The following SOX6 variants were observed in gnomAD, a reference collection of about 807,000 sequenced individuals.
The protein encoded by SOX6 is SRY-box transcription factor 6.
A neutral mutation model predicts 97.8 loss-of-function variants in SOX6; 11 were observed. The observed-to-expected ratio is 0.11, with a 90% CI of 0.07 to 0.19. The LOEUF (loss-of-function observed/expected upper bound fraction) is 0.19. SOX6 is among the 10% of genes least tolerant of loss of function. SOX6 has a pLI of 1.00. For synonymous variants in SOX6, 360 were observed against 371.4 expected (o/e 0.97, Z 0.35); for missense variants, 810 against 1,039.5 (o/e 0.78, Z 3.04).
At chr11:16,623,161 C>CA (rs765400378) in intron 3 of SOX6, among the ~76,000 whole-genome samples, 15 of 152,158 alleles carry the variant, frequency 9.9e-5, no homozygotes, top group Non-Finnish European at 2.1e-4. Context: ...GCTGGGATTA[C>CA]AGGGGCGCGC....
intron 4 of SOX6, among the ~76,000 whole-genome samples, chr11:16,202,303 G>T (rs1204783155): frequency 2.0e-5 from 3 of 152,054 alleles, no homozygotes; most frequent in African/African-American, 4.8e-5. Flanking sequence ...AAGACATAAT[G>T]AATTTTATTG....
chr11:15,988,913 A>G, intron 14 of SOX6, 84 bp downstream of exon 14: 2 of 1,338,518 alleles, frequency 1.5e-6, no homozygotes, highest in South Asian at 2.4e-5. Context: ...TTAGGATCCT[A>G]GTTATCCCCT....
intron 3 of SOX6, among the ~76,000 whole-genome samples, chr11:16,648,624 A>T (rs1020022669): frequency 6.6e-6 from 1 of 152,182 alleles, no homozygotes; most frequent in Non-Finnish European, 1.5e-5. Flanking sequence ...CAGGAAGAAG[A>T]TAATACCAAT....
chr11:16,330,434 A>C (rs925024472), intron 2 of SOX6, among the ~76,000 whole-genome samples: 1 of 152,164 alleles, frequency 6.6e-6, no homozygotes, highest in Non-Finnish European at 1.5e-5. Context: ...ACACACCTGT[A>C]ATCCCAGCTA....
At chr11:16,091,097 T>C (rs1848676445) in intron 9 of SOX6, among the ~76,000 whole-genome samples, 1 of 151,958 alleles carries the variant, frequency 6.6e-6, no homozygotes, top group Non-Finnish European at 1.5e-5. Flanking sequence ...ATAAATGGAG[T>C]TAATTCCATT....
At chr11:16,223,379 C>T (rs1852598594) in intron 4 of SOX6, among the ~76,000 whole-genome samples, 1 of 152,058 alleles carries the variant, frequency 6.6e-6, no homozygotes, top group Non-Finnish European at 1.5e-5. Flanking sequence ...TTTACCACCC[C>T]AAAATGTTAT....
intron 9 of SOX6, among the ~76,000 whole-genome samples, chr11:16,058,569 A>G (rs1482513830): frequency 6.6e-6 from 1 of 152,092 alleles, no homozygotes; most frequent in Admixed American, 6.6e-5. Flanking sequence ...AATCACAAAT[A>G]TCAATATCTA....
At chr11:16,280,917 C>T (rs1455380036) in intron 3 of SOX6, among the ~76,000 whole-genome samples, 2 of 152,022 alleles carry the variant, frequency 1.3e-5, no homozygotes, top group African/African-American at 4.8e-5. Context: ...ATAAATACTA[C>T]ATATTGATAG....
intron 1 of SOX6, among the ~76,000 whole-genome samples, chr11:16,429,017 C>G: frequency 6.6e-6 from 1 of 151,648 alleles, no homozygotes; most frequent in East Asian, 1.9e-4. Context: ...AGTGGTTCTC[C>G]TTGAACAGGC....
upstream of SOX6, among the ~76,000 whole-genome samples, chr11:16,361,409 T>C (rs960153876): frequency 5.9e-5 from 9 of 152,264 alleles, no homozygotes; most frequent in East Asian, 1.2e-3. Flanking sequence ...CTGGAAAAGA[T>C]AGAAAGAAGA....
chr11:16,477,874 C>T (rs923678280), upstream of SOX6, among the ~76,000 whole-genome samples: 1 of 152,146 alleles, frequency 6.6e-6, no homozygotes, highest in African/African-American at 2.4e-5. Flanking sequence ...CGCCTACTTC[C>T]ACAGTGCAAG....
At chr11:16,663,165 A>G (rs969556525) in intron 3 of SOX6, among the ~76,000 whole-genome samples, 3 of 152,194 alleles carry the variant, frequency 2.0e-5, no homozygotes, top group African/African-American at 4.8e-5. Context: ...TTGAAAAAAG[A>G]TCAGGAAAAA....
chr11:16,062,740 T>C (rs979166247), intron 9 of SOX6, among the ~76,000 whole-genome samples: 1 of 151,768 alleles, frequency 6.6e-6, no homozygotes, highest in African/African-American at 2.4e-5. Context: ...AAAAGCACTT[T>C]AAGAAATGAT....
chr11:16,667,813 T>A (rs1590045206), intron 3 of SOX6, among the ~76,000 whole-genome samples: 3 of 152,264 alleles, frequency 2.0e-5, no homozygotes, highest in Non-Finnish European at 4.4e-5. Context: ...ATGTGGTGCA[T>A]AAACTACACA....
At chr11:16,344,333 CTT>C (rs973760047) in intron 1 of SOX6, among the ~76,000 whole-genome samples, 4 of 151,818 alleles carry the variant, frequency 2.6e-5, no homozygotes, top group Admixed American at 2.0e-4. Context: ...ATTAAATAAA[CTT>C]TAGATTTGCT....
At chr11:16,213,076 T>C (rs894828985) in intron 4 of SOX6, among the ~76,000 whole-genome samples, 11 of 152,102 alleles carry the variant, frequency 7.2e-5, no homozygotes, top group Admixed American at 2.6e-4. Flanking sequence ...TCCTGAACTT[T>C]TGTACCTTTG....
intron 2 of SOX6, among the ~76,000 whole-genome samples, chr11:16,331,140 T>G (rs1361290613): frequency 6.6e-6 from 1 of 152,150 alleles, no homozygotes; most frequent in East Asian, 1.9e-4. Flanking sequence ...TCTCCTCCTC[T>G]GCAGTTGTTT....
At chr11:16,707,184 C>G (rs1848144304) in intron 3 of SOX6, among the ~76,000 whole-genome samples, 1 of 152,100 alleles carries the variant, frequency 6.6e-6, no homozygotes, top group African/African-American at 2.4e-5. Context: ...AGCAAAGAAG[C>G]AGTGTTTTAT....
chr11:16,050,689 A>G (rs1434165671), intron 10 of SOX6, among the ~76,000 whole-genome samples: 2 of 152,216 alleles, frequency 1.3e-5, no homozygotes, highest in African/African-American at 2.4e-5. Context: ...TCACTGAGAC[A>G]GTATTCAAAT....
Sources: gnomAD v4.1 joint callset for allele counts (sites outside exome capture counted in the v4.1 genomes callset) on GRCh38, gnomAD v4.1.1 for gene constraint, MANE v1.5 for transcripts, NCBI Gene and HGNC (gene_info 2026-07-23, HGNC 2026-07-21) for gene names.